Variants in TRAPPC13 observed in about 807,000 individuals in gnomAD.
TRAPPC13 encodes trafficking protein particle complex subunit 13.
TRAPPC13 carries 39 observed loss-of-function variants against 54.0 expected under a neutral mutation model. That is an observed-to-expected ratio of 0.72 (90% CI 0.56 to 0.94). The LOEUF is 0.94. Among genes scored for constraint, TRAPPC13 ranks in the 40% least tolerant of loss-of-function variants. The pLI, the probability that TRAPPC13 is intolerant of heterozygous loss-of-function variation, is 0.00. For missense variants in TRAPPC13, 386 were observed against 488.1 expected, an observed-to-expected ratio of 0.79 and a Z score of 1.97; for synonymous variants, 148 against 167.7, an observed-to-expected ratio of 0.88 and a Z score of 0.91.
At chr5:65,647,023 G>A (rs1221090107) in intron 4 of TRAPPC13, 32 bp from the exon 5 acceptor site, 2 of 1,502,298 alleles carry the variant, frequency 1.3e-6, no homozygotes, top group East Asian at 5.0e-5. Flanking sequence ...GTCTCATTTG[G>A]ACTTTTTTTT....
intron 3 of TRAPPC13, 62 bp from the exon 4 acceptor site, chr5:65,637,630 CAAAA>C (rs374091978): frequency 2.5e-4 from 168 of 683,680 alleles, no homozygotes; most frequent in East Asian, 7.4e-4. Flanking sequence ...GACTCTGTCT[CAAAA>C]AAAAAAAAAA....
intron 5 of TRAPPC13, among the ~76,000 whole-genome samples, chr5:65,647,610 CTG>C (rs1450170769): frequency 1.3e-5 from 2 of 151,798 alleles, no homozygotes; most frequent in African/African-American, 2.4e-5. Flanking sequence ...ATAAGGCACA[CTG>C]TGAAAAAAAA....
chr5:65,625,885 T>A (rs1371940047), intron 1 of TRAPPC13: 2 of 152,244 alleles, frequency 1.3e-5, no homozygotes, highest in Non-Finnish European at 2.9e-5. Flanking sequence ...AAATGCTCAA[T>A]AAACATTCGG....
intron 1 of TRAPPC13, among the ~76,000 whole-genome samples, chr5:65,628,670 C>A (rs2150659179): frequency 6.6e-6 from 1 of 152,042 alleles, no homozygotes; most frequent in Middle Eastern, 3.4e-3. Flanking sequence ...CGGAGTTTCA[C>A]CATGTTGGCC....
At chr5:65,650,138 A>G (rs1471627168) in intron 5 of TRAPPC13, among the ~76,000 whole-genome samples, 2 of 142,192 alleles carry the variant, frequency 1.4e-5, no homozygotes, top group African/African-American at 5.3e-5. Context: ...GATTACAGGC[A>G]TGAGCCACCA....
At chr5:65,638,257 T>A (rs1663031314) in intron 4 of TRAPPC13, among the ~76,000 whole-genome samples, 1 of 152,248 alleles carries the variant, frequency 6.6e-6, no homozygotes, top group Non-Finnish European at 1.5e-5. Flanking sequence ...TAAAGTATTA[T>A]GTTAGGCATG....
intron 11 of TRAPPC13, chr5:65,663,990 C>T: frequency 2.3e-6 from 1 of 426,660 alleles, no homozygotes; most frequent in Non-Finnish European, 4.2e-6. Context: ...AGTAATAGAA[C>T]CAGAAGGCCA....
rs575355483 is a variant in TRAPPC13, at chr5:65,636,130, C to A, written c.215+87C>A. 1.6e-3 allele frequency: 1,179 copies of A among 752,220 alleles called. 3 individuals carry two copies. Among genetic ancestry groups the A allele is most frequent in the Admixed American group, 2.5e-3 (90 of 35,954 alleles). 46.6% of individuals were successfully genotyped at this position (752,220 alleles called of 1,614,324 possible). ...CAGAACCATGGGATGGGGAAATGCT[C>A]ATGATACATTTACCTTTTTTTTTTT... is the stretch of plus-strand genomic sequence containing the variant. On this transcript the variant is annotated intron_variant, in intron 3 of 12. Coordinates refer to ENST00000399438, the MANE Select transcript of TRAPPC13 (RefSeq NM_024941.4).
chr5:65,651,052 A>G (rs573001250), intron 6 of TRAPPC13, among the ~76,000 whole-genome samples, 170 bp downstream of exon 6: 1 of 152,220 alleles, frequency 6.6e-6, no homozygotes, highest in Non-Finnish European at 1.5e-5. Context: ...AATTAAGGTG[A>G]ATAAAAGCAG....
chr5:65,659,967 C>CAAAAAAAAAAAAAAAAAAAAAAAAAAA, intron 9 of TRAPPC13, among the ~76,000 whole-genome samples: 1 of 95,232 alleles, frequency 1.1e-5, no homozygotes, highest in South Asian at 3.7e-4. Context: ...GTATTTTAAA[C>CAAAAAAAAAAAAAAAAAAAAAAAAAAA]AAAAAAAAAA....
rs889448837 is a variant in TRAPPC13 at position 65,665,166 on chromosome 5, T to G, written c.*555T>G. On this transcript the variant is annotated 3_prime_UTR_variant, in exon 13 of 13. Coordinates refer to ENST00000399438, the MANE Select transcript of TRAPPC13 (RefSeq NM_024941.4). The stretch of plus-strand genomic sequence containing the variant: ...GAGATCATGCTACTGCACTCTAGCC[T>G]GAGCGACAGAGTGAGACTCTGTCTC... The G allele has an allele frequency of 1.3e-5, 2 of 153,000 alleles. No homozygotes were observed. Among genetic ancestry groups the G allele is most frequent in the African/African-American group, 4.8e-5 (2 of 41,442 alleles). The allele number at this position is 153,000 out of a possible 1,614,324, so 9.5% of individuals were successfully genotyped here. A position where few individuals can be genotyped will look rare whatever the true frequency, so the allele number is the denominator to read the frequency against.
intron 4 of TRAPPC13, among the ~76,000 whole-genome samples, chr5:65,638,972 T>C (rs1025082924): frequency 1.3e-5 from 2 of 152,112 alleles, no homozygotes; most frequent in Non-Finnish European, 2.9e-5. Flanking sequence ...TAATCCCAGC[T>C]ACCTGGGAAG....
intron 5 of TRAPPC13, 95 bp downstream of exon 5, chr5:65,647,277 A>G (rs1430379838): frequency 9.4e-7 from 1 of 1,068,942 alleles, no homozygotes; most frequent in African/African-American, 1.6e-5. Context: ...GAAGCATAGG[A>G]ACCTACTTCA....
chr5:65,637,269 C>T (rs1043212378), intron 3 of TRAPPC13, among the ~76,000 whole-genome samples: 2 of 152,210 alleles, frequency 1.3e-5, no homozygotes, highest in Non-Finnish European at 2.9e-5. Flanking sequence ...AGCAGTATTT[C>T]ACCAGATTTC....
intron 5 of TRAPPC13, 22 bp from the exon 6 acceptor site, chr5:65,650,788 T>C (rs922416584): frequency 6.2e-7 from 1 of 1,602,324 alleles, no homozygotes; most frequent in African/African-American, 1.3e-5. Context: ...CTCAGAATCG[T>C]TAAGACATCT....
chr5:65,651,565 TTTAAG>T (rs1341341124), intron 6 of TRAPPC13, among the ~76,000 whole-genome samples: 1 of 151,360 alleles, frequency 6.6e-6, no homozygotes, highest in African/African-American at 2.4e-5. Context: ...TCACTGGAAC[TTTAAG>T]TTGAGTTTTG....
At chr5:65,652,628 A>T (rs755439878) in intron 7 of TRAPPC13, 83 bp downstream of exon 7, 20 of 999,858 alleles carry the variant, frequency 2.0e-5, no homozygotes, top group Non-Finnish European at 1.6e-6. Flanking sequence ...CATTTCTAAT[A>T]CTGAAGCAAA....
At chr5:65,659,855 C>T (rs1296921477) in intron 9 of TRAPPC13, among the ~76,000 whole-genome samples, 1 of 151,038 alleles carries the variant, frequency 6.6e-6, no homozygotes. Context: ...TTCCTAGCTC[C>T]TTGGGAGAGA....
At chr5:65,628,189 C>G (rs764822524) in intron 1 of TRAPPC13, among the ~76,000 whole-genome samples, 1 of 152,108 alleles carries the variant, frequency 6.6e-6, no homozygotes, top group Non-Finnish European at 1.5e-5. Flanking sequence ...TTTGGGGCAA[C>G]TTGAGGACTT....
Sources: allele counts gnomAD v4.1 joint callset (sites outside exome capture counted in the v4.1 genomes callset), GRCh38; gene constraint gnomAD v4.1.1; transcripts MANE v1.5; gene names NCBI Gene and HGNC (gene_info 2026-07-23, HGNC 2026-07-21).